RUNX2: variants seen among roughly 807,000 people sequenced by gnomAD.
The protein encoded by RUNX2 is runt-related transcription factor 2.
In RUNX2, 10 loss-of-function variants were observed where a neutral mutation model predicts 51.7. That is an observed-to-expected ratio of 0.19 (90% CI 0.12 to 0.33). RUNX2 has a LOEUF of 0.33. Ranked by LOEUF, RUNX2 falls within the 10% of genes least tolerant of loss-of-function variation. The probability of loss-of-function intolerance (pLI) is 1.00; values close to 1 mark genes in which losing one functional copy is unlikely to be tolerated. For synonymous variants in RUNX2, 276 were observed against 273.6 expected (o/e 1.01, Z -0.09); for missense variants, 562 against 691.3 (o/e 0.81, Z 2.10).
chr6:45,334,964 A>G (rs1468541194), intron 2 of RUNX2, among the ~76,000 whole-genome samples: 1 of 151,314 alleles, frequency 6.6e-6, no homozygotes, highest in Non-Finnish European at 1.5e-5. Context: ...AAGTAACAAT[A>G]ATTAAAAACT....
At chr6:45,342,040 T>C (rs1266108451) in intron 2 of RUNX2, among the ~76,000 whole-genome samples, 1 of 149,588 alleles carries the variant, frequency 6.7e-6, no homozygotes, top group Non-Finnish European at 1.5e-5. Context: ...TATGGGCAAG[T>C]TGAAGAGATA....
At chr6:45,365,393 A>G in intron 2 of RUNX2, 1 of 804,724 alleles carries the variant, frequency 1.2e-6, no homozygotes, top group Admixed American at 2.6e-5. Flanking sequence ...TACTTCAAAA[A>G]GTAGAGAAAA....
intron 2 of RUNX2, among the ~76,000 whole-genome samples, chr6:45,364,598 GAT>G (rs2150271358): frequency 6.6e-6 from 1 of 152,272 alleles, no homozygotes; most frequent in South Asian, 2.1e-4. Flanking sequence ...CAAATCAAGA[GAT>G]ATAGTTTCAC....
intron 3 of RUNX2, among the ~76,000 whole-genome samples, chr6:45,425,874 AT>A (rs1225020801): frequency 6.6e-6 from 1 of 150,674 alleles, no homozygotes; most frequent in Non-Finnish European, 1.5e-5. Context: ...AGATAGGTAA[AT>A]GGATTTAAAC....
chr6:45,458,215 C>T (rs750830986), intron 5 of RUNX2, among the ~76,000 whole-genome samples: 13 of 151,990 alleles, frequency 8.6e-5, no homozygotes, highest in African/African-American at 1.2e-4. Context: ...TTAGTAGGGA[C>T]GGGGTTTCCC....
intron 2 of RUNX2, among the ~76,000 whole-genome samples, chr6:45,395,891 C>T (rs1797571057): frequency 6.6e-6 from 1 of 152,206 alleles, no homozygotes; most frequent in South Asian, 2.1e-4. Flanking sequence ...GTCTCAAACT[C>T]CTGGCCTCAA....
At chr6:45,498,854 A>C (rs1800721023) in intron 6 of RUNX2, among the ~76,000 whole-genome samples, 1 of 152,246 alleles carries the variant, frequency 6.6e-6, no homozygotes, top group South Asian at 2.1e-4. Context: ...ATCAGAAAGC[A>C]CAGCTGAGTT....
intron 6 of RUNX2, among the ~76,000 whole-genome samples, chr6:45,496,479 C>T (rs1800650635): frequency 6.6e-6 from 1 of 152,056 alleles, no homozygotes; most frequent in South Asian, 2.1e-4. Flanking sequence ...ATAATGAATG[C>T]TATGAGAAAA....
chr6:45,491,616 C>CT (rs1800467226), intron 5 of RUNX2, among the ~76,000 whole-genome samples: 1 of 139,648 alleles, frequency 7.2e-6, no homozygotes. Flanking sequence ...CACATCTCTC[C>CT]TGTTTGTTTT....
At chr6:45,521,083 T>C (rs1582201654) in intron 7 of RUNX2, among the ~76,000 whole-genome samples, 1 of 152,218 alleles carries the variant, frequency 6.6e-6, no homozygotes, top group East Asian at 1.9e-4. Context: ...TTAAGGACAG[T>C]GGCTATGTTT....
At chr6:45,481,109 G>A (rs1292926753) in intron 5 of RUNX2, among the ~76,000 whole-genome samples, 1 of 152,120 alleles carries the variant, frequency 6.6e-6, no homozygotes, top group African/African-American at 2.4e-5. Flanking sequence ...CTCTGTCTCT[G>A]TCTCTGTCTC....
chr6:45,495,330 T>C (rs1289928172), intron 6 of RUNX2, among the ~76,000 whole-genome samples: 1 of 152,256 alleles, frequency 6.6e-6, no homozygotes, highest in Non-Finnish European at 1.5e-5. Context: ...ATATCATATC[T>C]GTCTTAGTAG....
intron 2 of RUNX2, among the ~76,000 whole-genome samples, chr6:45,397,337 G>A (rs1034041165): frequency 2.0e-5 from 3 of 151,932 alleles, no homozygotes; most frequent in South Asian, 2.1e-4. Flanking sequence ...TCTCGATCTC[G>A]TGACCTTGTG....
Position 45,545,218 on chromosome 6 carries a change from T to A in RUNX2, c.1023T>A (p.Asp341Glu), listed in dbSNP as rs1388460369. 1.3e-6 allele frequency: 2 copies of A among 1,548,190 alleles called. No homozygotes were observed. The highest frequency in any genetic ancestry group is 1.7e-6 in the Non-Finnish European group (2 of 1,145,970). ...GAGCTCATCCCCCTCATTTTACAGATGATGACACTGCCACCTCTGACTTCT... is the reference window on the plus strand; with the variant it reads ...GAGCTCATCCCCCTCATTTTACAGAAGATGACACTGCCACCTCTGACTTCT... ...AITDVPRRIS[D>E]DDTATSDFCL... Residue 341 changes from aspartate (D) to glutamate (E), a missense_variant and splice_region_variant, in exon 8 of 9, where the codon GAT (aspartate) becomes GAA (glutamate). Physicochemically the swap from Asp to Glu is conservative, Grantham distance 45. Transcript: ENST00000647337.
intron 5 of RUNX2, among the ~76,000 whole-genome samples, chr6:45,483,121 C>T (rs762686574): frequency 6.6e-5 from 10 of 152,308 alleles, no homozygotes; most frequent in South Asian, 2.1e-4. Context: ...TCTCTACTCA[C>T]GAGCTATCCT....
intron 2 of RUNX2, among the ~76,000 whole-genome samples, chr6:45,339,610 T>A (rs1279887691): frequency 6.6e-6 from 1 of 151,400 alleles, no homozygotes; most frequent in Non-Finnish European, 1.5e-5. Flanking sequence ...ATAAGGAAAA[T>A]AAGAAGTACA....
chr6:45,411,848 A>G (rs889272496), intron 2 of RUNX2, among the ~76,000 whole-genome samples: 11 of 152,172 alleles, frequency 7.2e-5, no homozygotes, highest in African/African-American at 2.4e-4. Context: ...ATTCAATGAA[A>G]CTACTAGATG....
At chr6:45,525,884 TG>T (rs1292444433) in intron 7 of RUNX2, among the ~76,000 whole-genome samples, 5 of 151,920 alleles carry the variant, frequency 3.3e-5, no homozygotes, top group East Asian at 3.9e-4. Context: ...CCCAGCTACT[TG>T]GGAGACTGAG....
intron 5 of RUNX2, among the ~76,000 whole-genome samples, chr6:45,481,011 C>T (rs1348099714): frequency 6.6e-6 from 1 of 152,214 alleles, no homozygotes; most frequent in African/African-American, 2.4e-5. Context: ...GCTGCTGCAG[C>T]AGTGAATGTC....
Sources: gnomAD v4.1 joint callset for allele counts (sites outside exome capture counted in the v4.1 genomes callset) on GRCh38, gnomAD v4.1.1 for gene constraint, MANE v1.5 for transcripts, NCBI Gene and HGNC (gene_info 2026-07-23, HGNC 2026-07-21) for gene names.